FRMPD4: variants seen among roughly 807,000 people sequenced by gnomAD.
FRMPD4 encodes FERM and PDZ domain-containing protein 4.
Under a neutral mutation model 94.1 loss-of-function variants are expected in FRMPD4, and 22 were observed. The observed-to-expected ratio is 0.23, with a 90% CI of 0.17 to 0.33. FRMPD4 has a LOEUF of 0.33. Among genes scored for constraint, FRMPD4 ranks in the 10% least tolerant of loss-of-function variants. The pLI, the probability that FRMPD4 is intolerant of heterozygous loss-of-function variation, is 1.00. For missense variants in FRMPD4, 1,111 were observed against 1,339.9 expected, an observed-to-expected ratio of 0.83 and a Z score of 2.67; for synonymous variants, 631 against 548.6, an observed-to-expected ratio of 1.15 and a Z score of -2.10.
intron 1 of FRMPD4, among the ~76,000 whole-genome samples, chrX:12,297,780 ATACTGT>A (rs1161249859): frequency 1.8e-5 from 2 of 111,501 alleles, no homozygotes; most frequent in Non-Finnish European, 3.8e-5. Flanking sequence ...GAGTGATTAA[ATACTGT>A]TGGGAAGAAA....
chrX:11,855,766 C>A lies in FRMPD4; in HGVS notation c.-160-9320C>A, dbSNP rs549534773. Among the ~76,000 whole-genome samples the A allele has an allele frequency of 2.7e-5, 3 of 112,122 alleles. No individual in the cohort carries two copies. In the South Asian group the frequency reaches 1.1e-3, roughly 42 times the overall value. ...AAACTTTTCCACATCTTCCTGTCTT[C>A]TGAGCCCTTCAAGTTTCTAGGATGT... On this transcript the variant is annotated intron_variant, in intron 1 of 18. Transcript: ENST00000640291.
At chrX:12,504,598 T>G (rs2057959458) in intron 2 of FRMPD4, among the ~76,000 whole-genome samples, 1 of 112,451 alleles carries the variant, frequency 8.9e-6, no homozygotes, top group Admixed American at 9.4e-5. Context: ...TGGAGCAGAT[T>G]TGTTTTCTTT....
At chrX:12,498,959 T>A (rs1008659479) in intron 2 of FRMPD4, among the ~76,000 whole-genome samples, 163 bp downstream of exon 2, 3 of 110,622 alleles carry the variant, frequency 2.7e-5, no homozygotes, top group Non-Finnish European at 5.7e-5. Context: ...TTCTATATAT[T>A]TATATATTTA....
At chrX:12,434,585 C>T (rs2057043974) in intron 1 of FRMPD4, among the ~76,000 whole-genome samples, 1 of 112,649 alleles carries the variant, frequency 8.9e-6, no homozygotes, top group Non-Finnish European at 1.9e-5. Context: ...ACATCACATG[C>T]CCTTTCTTCA....
At chrX:12,220,383 A>C (rs1205444180) in intron 1 of FRMPD4, among the ~76,000 whole-genome samples, 1 of 111,771 alleles carries the variant, frequency 8.9e-6, no homozygotes, top group Non-Finnish European at 1.9e-5. Flanking sequence ...GTGAGTGTGC[A>C]ACTTAATGAA....
chrX:11,903,975 G>T (rs948323313), intron 3 of FRMPD4, among the ~76,000 whole-genome samples: 38 of 110,403 alleles, frequency 3.4e-4, no homozygotes, highest in Non-Finnish European at 6.2e-4. Context: ...AGTGATGGGG[G>T]TCTCACTATG....
At chrX:12,100,163 G>T (rs1011229083) in intron 3 of FRMPD4, among the ~76,000 whole-genome samples, 9 of 112,002 alleles carry the variant, frequency 8.0e-5, no homozygotes, top group African/African-American at 2.6e-4. Flanking sequence ...TCAACTATTT[G>T]GTGGAACTTA....
At chrX:11,880,102 T>C (rs148409981) in intron 3 of FRMPD4, among the ~76,000 whole-genome samples, 26 of 112,277 alleles carry the variant, frequency 2.3e-4, no homozygotes, top group East Asian at 1.1e-3. Context: ...GAGCAGCTAG[T>C]TCCTTTGCCA....
At chrX:12,163,462 TAAAAAAAAAA>T (rs201319402) in intron 1 of FRMPD4, among the ~76,000 whole-genome samples, 3 of 67,661 alleles carry the variant, frequency 4.4e-5, no homozygotes, top group Non-Finnish European at 8.6e-5. Flanking sequence ...TGACCCTTTG[TAAAAAAAAAA>T]AAAAAAAAAA....
chrX:12,490,851 G>C (rs1014748072), intron 1 of FRMPD4, among the ~76,000 whole-genome samples: 2 of 111,172 alleles, frequency 1.8e-5, no homozygotes, highest in East Asian at 5.6e-4. Flanking sequence ...TTATTTTAAT[G>C]TATCTGCAGA....
intron 2 of FRMPD4, among the ~76,000 whole-genome samples, chrX:12,608,060 A>G (rs1458844126): frequency 8.9e-6 from 1 of 112,845 alleles, no homozygotes; most frequent in African/African-American, 3.2e-5. Flanking sequence ...TACTTATTGA[A>G]GAAGATTACA....
chrX:12,464,879 A>G (rs946703307), intron 1 of FRMPD4, among the ~76,000 whole-genome samples: 1 of 112,055 alleles, frequency 8.9e-6, no homozygotes, highest in Middle Eastern at 4.6e-3. Context: ...TGGTCAGAAT[A>G]GGAAAAGCAA....
chrX:12,048,086 A>AC (rs1233548344), intron 3 of FRMPD4, among the ~76,000 whole-genome samples: 2 of 112,866 alleles, frequency 1.8e-5, no homozygotes, highest in African/African-American at 6.4e-5. Flanking sequence ...ACTTCTTTTC[A>AC]CAATGGCTGC....
intron 2 of FRMPD4, among the ~76,000 whole-genome samples, chrX:12,557,113 T>A (rs979692558): frequency 8.9e-6 from 1 of 112,170 alleles, no homozygotes; most frequent in Non-Finnish European, 1.9e-5. Flanking sequence ...CCAGGGCATA[T>A]AAGTTTATTA....
At chrX:11,947,825 G>A (rs751922838) in intron 3 of FRMPD4, among the ~76,000 whole-genome samples, 106 of 111,075 alleles carry the variant, frequency 9.5e-4, no homozygotes, top group African/African-American at 3.2e-3. Context: ...AGTGGCTCAC[G>A]CCTGTAATCC....
intron 3 of FRMPD4, among the ~76,000 whole-genome samples, chrX:12,095,872 C>G (rs913857314): frequency 5.3e-5 from 6 of 112,419 alleles, no homozygotes; most frequent in Non-Finnish European, 1.1e-4. Flanking sequence ...TCAGACCTCT[C>G]TGTTGTGCCT....
intron 3 of FRMPD4, among the ~76,000 whole-genome samples, chrX:12,032,781 C>A (rs2054699707): frequency 8.9e-6 from 1 of 111,881 alleles, no homozygotes; most frequent in Admixed American, 9.5e-5. Context: ...ATGATAACTT[C>A]TTTTTTCTCT....
intron 12 of FRMPD4, 119 bp downstream of exon 12, chrX:12,707,034 T>C (rs895096655): frequency 1.4e-5 from 6 of 413,972 alleles, no homozygotes; most frequent in Non-Finnish European, 2.5e-5. Flanking sequence ...TCTAACCAAC[T>C]TCACAACAGT....
At chrX:12,273,076 CAAAA>C (rs748285844) in intron 1 of FRMPD4, among the ~76,000 whole-genome samples, 1 of 74,582 alleles carries the variant, frequency 1.3e-5, no homozygotes. Context: ...GACTTGGTTT[CAAAA>C]AAAAAAAAAG....
Sources: gnomAD v4.1 joint callset for allele counts (sites outside exome capture counted in the v4.1 genomes callset) on GRCh38, gnomAD v4.1.1 for gene constraint, MANE v1.5 for transcripts, NCBI Gene and HGNC (gene_info 2026-07-23, HGNC 2026-07-21) for gene names.